The following FRMD4A variants were observed in gnomAD, a reference collection of about 807,000 sequenced individuals.
FRMD4A encodes the protein FERM domain containing 4A.
A neutral mutation model predicts 129.1 loss-of-function variants in FRMD4A; 29 were observed. That is an observed-to-expected ratio of 0.22 (90% CI 0.17 to 0.31). FRMD4A has a LOEUF of 0.31. FRMD4A is among the 10% of genes least tolerant of loss of function. The pLI is 1.00. For synonymous variants in FRMD4A, 634 were observed against 571.6 expected, an observed-to-expected ratio of 1.11 and a Z score of -1.56; for missense variants, 1,272 against 1,375.8, an observed-to-expected ratio of 0.92 and a Z score of 1.19.
At chr10:14,213,667 T>C (rs1589175470) in intron 2 of FRMD4A, among the ~76,000 whole-genome samples, 1 of 152,308 alleles carries the variant, frequency 6.6e-6, no homozygotes, top group East Asian at 1.9e-4. Flanking sequence ...TCATGTTCTC[T>C]GTCTGTATAA....
At chr10:13,889,250 A>G (rs373004652) in intron 2 of FRMD4A, among the ~76,000 whole-genome samples, 13 of 152,092 alleles carry the variant, frequency 8.5e-5, no homozygotes, top group East Asian at 1.9e-4. Context: ...TCACAAACCA[A>G]TCTCACTTTT....
At chr10:13,906,352 G>A (rs2094882043) in intron 2 of FRMD4A, among the ~76,000 whole-genome samples, 1 of 152,164 alleles carries the variant, frequency 6.6e-6, no homozygotes, top group African/African-American at 2.4e-5. Context: ...ACAGGCTATG[G>A]TAGCTGACTC....
intron 4 of FRMD4A, among the ~76,000 whole-genome samples, chr10:13,798,146 C>T (rs760799197): frequency 4.9e-4 from 75 of 152,282 alleles, no homozygotes; most frequent in Non-Finnish European, 7.8e-4. Flanking sequence ...CGCAGTGGCT[C>T]ACGCCTGTAA....
intron 2 of FRMD4A, among the ~76,000 whole-genome samples, chr10:14,078,215 G>C (rs139456245): frequency 2.6e-4 from 39 of 152,170 alleles, no homozygotes; most frequent in Non-Finnish European, 4.4e-4. Flanking sequence ...AATGAACCCA[G>C]CCATGATTGC....
intron 2 of FRMD4A, among the ~76,000 whole-genome samples, chr10:14,162,880 T>G (rs547589539): frequency 6.6e-6 from 1 of 152,230 alleles, no homozygotes; most frequent in Admixed American, 6.5e-5. Flanking sequence ...ACCTGTAAAA[T>G]AAATTACAAG....
chr10:13,972,287 C>CT (rs375534933), intron 2 of FRMD4A: 1 of 988,640 alleles, frequency 1.0e-6, no homozygotes, highest in African/African-American at 1.7e-5. Context: ...CATCCCTTTT[C>CT]TTAACTCTTT....
At chr10:14,233,222 CA>C (rs1843693858) in intron 2 of FRMD4A, among the ~76,000 whole-genome samples, 1 of 152,134 alleles carries the variant, frequency 6.6e-6, no homozygotes, top group South Asian at 2.1e-4. Context: ...CATTGGAGAG[CA>C]AAAATACATA....
At chr10:13,887,156 T>C (rs1405342043) in intron 2 of FRMD4A, among the ~76,000 whole-genome samples, 1 of 152,172 alleles carries the variant, frequency 6.6e-6, no homozygotes, top group East Asian at 1.9e-4. Context: ...TAGAATTAAT[T>C]ATGCTGGTAC....
intron 2 of FRMD4A, among the ~76,000 whole-genome samples, chr10:14,299,178 G>C (rs988637543): frequency 3.3e-5 from 5 of 152,148 alleles, no homozygotes; most frequent in Non-Finnish European, 7.4e-5. Context: ...CTGAGCTAAG[G>C]ATATCCCATT....
At chr10:13,859,004 C>A in intron 2 of FRMD4A, 92 bp from the exon 3 acceptor site, 1 of 797,446 alleles carries the variant, frequency 1.3e-6, no homozygotes, top group Non-Finnish European at 2.3e-6. Context: ...CAGGCATATT[C>A]CTCTGGGCAA....
chr10:14,001,794 G>C (rs2095643692), intron 2 of FRMD4A, among the ~76,000 whole-genome samples: 1 of 152,134 alleles, frequency 6.6e-6, no homozygotes, highest in Admixed American at 6.5e-5. Context: ...CAGGATGAGG[G>C]GGCTGGCTAA....
chr10:13,890,479 G>A (rs996981202), intron 2 of FRMD4A: 5 of 957,230 alleles, frequency 5.2e-6, no homozygotes, highest in Non-Finnish European at 6.2e-6. Context: ...GACGACTTAC[G>A]GATGCAGAGG....
At chr10:13,733,898 A>G (rs1269670287) in intron 12 of FRMD4A, among the ~76,000 whole-genome samples, 4 of 152,164 alleles carry the variant, frequency 2.6e-5, no homozygotes. Context: ...CCAACTGCCA[A>G]TCCAACCTCC....
Position 13,897,037 on chromosome 10 carries a change from G to A in FRMD4A, c.46-38125C>T, listed in dbSNP as rs547755269. Among the ~76,000 whole-genome samples the A allele has an allele frequency of 2.7e-5, 4 of 150,422 alleles. No individual in the cohort carries two copies. The South Asian group carries it at 8.3e-4, about 31-fold the overall frequency. ...GATAAAATTTTTATTATGCCCCATT[G>A]TTCAGTTAAGTGGCATTCCAAAAAT... On this transcript the variant is annotated intron_variant, in intron 2 of 24. Coordinates refer to ENST00000357447, the MANE Select transcript of FRMD4A (RefSeq NM_018027.5).
intron 14 of FRMD4A, among the ~76,000 whole-genome samples, chr10:13,700,461 T>G (rs977142343): frequency 6.6e-6 from 1 of 152,218 alleles, no homozygotes; most frequent in Non-Finnish European, 1.5e-5. Flanking sequence ...AAATCCTCCG[T>G]AAGTGCTAGA....
Position 14,176,203 on chromosome 10 carries a change from G to T in FRMD4A, c.45+153855C>A, listed in dbSNP as rs193112256. 9.5e-4 allele frequency among the ~76,000 whole-genome samples: 144 copies of T among 152,206 alleles called. 1 individual carries two copies. The South Asian group carries it at 0.011, about 11-fold the overall frequency. On this transcript the variant is annotated intron_variant, in intron 2 of 24. Transcript: ENST00000357447. ...GGGTAGACAAAGTCCTTGTTCCAAG[G>T]CCCTATATTTCATAGCAGGTTTGAT...
Position 13,885,446 on chromosome 10 carries a change from G to A in FRMD4A, c.46-26534C>T, listed in dbSNP as rs1043578652. 2.6e-5 allele frequency among the ~76,000 whole-genome samples: 4 copies of A among 152,150 alleles called. 1 individual carries two copies. Among genetic ancestry groups the A allele is most frequent in the African/African-American group, 9.7e-5 (4 of 41,434 alleles). ...TTGCCATGCCAGGTTGCACCACACA[G>A]ATCCACATCAGGAGGCAGGGACACC... On this transcript the variant is annotated intron_variant, in intron 2 of 24. Coordinates refer to ENST00000357447, the MANE Select transcript of FRMD4A (RefSeq NM_018027.5).
intron 2 of FRMD4A, among the ~76,000 whole-genome samples, chr10:14,223,760 A>AG (rs1243810205): frequency 8.3e-6 from 1 of 120,864 alleles, no homozygotes; most frequent in Non-Finnish European, 1.7e-5. Flanking sequence ...AAAAAAAAAA[A>AG]AAAAGAGAGA....
At chr10:13,764,474 C>T (rs565693799) in intron 6 of FRMD4A, among the ~76,000 whole-genome samples, 2 of 151,528 alleles carry the variant, frequency 1.3e-5, no homozygotes, top group Admixed American at 6.6e-5. Flanking sequence ...CCACTACACT[C>T]CAGCCTGGTG....
Sources: allele counts gnomAD v4.1 joint callset (sites outside exome capture counted in the v4.1 genomes callset), GRCh38; gene constraint gnomAD v4.1.1; transcripts MANE v1.5; gene names NCBI Gene and HGNC (gene_info 2026-07-23, HGNC 2026-07-21).